Variants in APOLD1 observed in about 807,000 individuals in gnomAD.
APOLD1 encodes the protein apolipoprotein L domain-containing protein 1.
A neutral mutation model predicts 15.3 loss-of-function variants in APOLD1; 22 were observed. The ratio of observed to expected loss-of-function variants is 1.44; its 90% CI spans 1.03 to 2.05. The LOEUF is 2.05. Among genes scored for constraint, APOLD1 ranks in the 30% most tolerant of loss-of-function variants. APOLD1 has a pLI of 0.00. For missense variants in APOLD1, 394 were observed against 353.5 expected, an observed-to-expected ratio of 1.11 and a Z score of -0.92; for synonymous variants, 190 against 167.4, an observed-to-expected ratio of 1.13 and a Z score of -1.04.
intron 1 of APOLD1, among the ~76,000 whole-genome samples, chr12:12,755,082 G>T (rs1328607671): frequency 6.6e-6 from 1 of 151,996 alleles, no homozygotes; most frequent in African/African-American, 2.4e-5. Flanking sequence ...TATTAAAACA[G>T]TGTGATATAA....
At chr12:12,755,957 C>G (rs1423362556) in intron 1 of APOLD1, among the ~76,000 whole-genome samples, 2 of 152,218 alleles carry the variant, frequency 1.3e-5, no homozygotes, top group African/African-American at 4.8e-5. Flanking sequence ...ACAATTGTGT[C>G]AGCCAATTCC....
At chr12:12,764,605 A>G (rs745840106) in intron 1 of APOLD1, 2 of 394,646 alleles carry the variant, frequency 5.1e-6, no homozygotes, top group Non-Finnish European at 5.1e-6. Context: ...TTTATAATAT[A>G]TTTTCTATTT....
chr12:12,744,920 C>T (rs1946754454), intron 1 of APOLD1, among the ~76,000 whole-genome samples: 1 of 152,190 alleles, frequency 6.6e-6, no homozygotes. Context: ...TTTCCCTTCA[C>T]CAAATATCAC....
chr12:12,734,273 TG>T (rs1232999364), intron 1 of APOLD1, among the ~76,000 whole-genome samples: 1 of 152,248 alleles, frequency 6.6e-6, no homozygotes, highest in Non-Finnish European at 1.5e-5. Context: ...CTTTGGCACT[TG>T]GCACACTCAG....
At chr12:12,733,947 A>AT (rs1946663234) in intron 1 of APOLD1, among the ~76,000 whole-genome samples, 1 of 152,206 alleles carries the variant, frequency 6.6e-6, no homozygotes, top group Non-Finnish European at 1.5e-5. Context: ...TTTCTTGAAC[A>AT]TGGAATCAGA....
chr12:12,785,885 G>A lies in APOLD1; in HGVS notation c.3+191G>A, dbSNP rs1282327522. ...CTGCTTCTAGAATCTGATGTCTGAT[G>A]CAGGCAATTCTTCCAGATGAGAATG... On this transcript the variant is annotated intron_variant, in intron 1 of 1. Coordinates refer to ENST00000356591, the MANE Select transcript of APOLD1 (RefSeq NM_030817.3). 2.0e-5 allele frequency among the ~76,000 whole-genome samples: 3 copies of A among 152,322 alleles called. No homozygotes were observed. The East Asian group carries it at 5.8e-4, about 29-fold the overall frequency.
At chr12:12,730,500 G>A (rs1946630099) in intron 1 of APOLD1, among the ~76,000 whole-genome samples, 1 of 151,702 alleles carries the variant, frequency 6.6e-6, no homozygotes, top group Admixed American at 6.6e-5. Context: ...GGACAACATG[G>A]TGAAACCCCA....
intron 1 of APOLD1, among the ~76,000 whole-genome samples, chr12:12,756,651 C>CATT (rs1475501544): frequency 6.6e-6 from 1 of 152,206 alleles, no homozygotes; most frequent in African/African-American, 2.4e-5. Context: ...AGCTTGTACC[C>CATT]ATTAAACACT....
chr12:12,745,521 C>CT (rs1314283124), intron 1 of APOLD1, among the ~76,000 whole-genome samples: 15 of 152,050 alleles, frequency 9.9e-5, no homozygotes, highest in African/African-American at 3.6e-4. Context: ...TAGAGCGAGA[C>CT]TGTCTCAGAA....
At chr12:12,786,073 T>C (rs989414898) in intron 1 of APOLD1, among the ~76,000 whole-genome samples, 9 of 152,230 alleles carry the variant, frequency 5.9e-5, no homozygotes, top group Non-Finnish European at 1.2e-4. Context: ...GTTCGTATCT[T>C]TGTCAGTCAT....
chr12:12,772,947 G>A, intron 1 of APOLD1, among the ~76,000 whole-genome samples: 1 of 152,042 alleles, frequency 6.6e-6, no homozygotes, highest in South Asian at 2.1e-4. Flanking sequence ...GCCAGGCATG[G>A]TGGTGCACTC....
chr12:12,786,606 T>A, intron 1 of APOLD1: 6 of 971,294 alleles, frequency 6.2e-6, no homozygotes, highest in Non-Finnish European at 7.3e-6. Flanking sequence ...GTTTAAATCT[T>A]ATTTAACACA....
At chr12:12,741,529 T>C (rs1171531455) in intron 1 of APOLD1, among the ~76,000 whole-genome samples, 1 of 152,208 alleles carries the variant, frequency 6.6e-6, no homozygotes, top group Non-Finnish European at 1.5e-5. Context: ...CCAGTTTTTA[T>C]TGCAACGTGG....
intron 1 of APOLD1, among the ~76,000 whole-genome samples, chr12:12,735,475 C>T (rs1206975992): frequency 6.6e-6 from 1 of 152,088 alleles, no homozygotes; most frequent in East Asian, 1.9e-4. Context: ...CAGTCCAAGG[C>T]TGCAAGTCAG....
intron 1 of APOLD1, among the ~76,000 whole-genome samples, chr12:12,770,262 G>A (rs1034546277): frequency 3.3e-5 from 5 of 152,026 alleles, no homozygotes; most frequent in Admixed American, 1.3e-4. Context: ...AAAATTAGCC[G>A]GGCATGGTGG....
chr12:12,774,556 A>G (rs1947015103), intron 1 of APOLD1, among the ~76,000 whole-genome samples: 1 of 135,798 alleles, frequency 7.4e-6, no homozygotes, highest in Non-Finnish European at 1.6e-5. Context: ...CAAAAAAAAA[A>G]AAAAAAAAAA....
chr12:12,787,587 A>G lies in APOLD1; in HGVS notation c.682A>G (p.Thr228Ala), dbSNP rs777589688. 2 of 1,612,312 alleles carry G rather than the reference A, an allele frequency of 1.2e-6. No individual in the cohort carries two copies. Among genetic ancestry groups the G allele is most frequent in the Non-Finnish European group, 1.7e-6 (2 of 1,180,016 alleles). ...GCTGGAGTCTCGGGTTCAGCTCTGC[A>G]CCAAGTCCAGTCGTGGCCACGACCT... ...EQLESRVQLC[T>A]KSSRGHDLKI... Residue 228 changes from threonine to alanine, a missense_variant, in exon 2 of 2, where the codon ACC becomes GCC. Coordinates refer to ENST00000356591, the MANE Select transcript of APOLD1 (RefSeq NM_030817.3). This position sits in a 1 kb window ranked among gnomAD's most constrained non-coding sequence, Gnocchi z 4.9.
intron 1 of APOLD1, among the ~76,000 whole-genome samples, chr12:12,775,679 G>A (rs993896140): frequency 7.9e-5 from 12 of 152,108 alleles, no homozygotes; most frequent in African/African-American, 2.9e-4. Flanking sequence ...AGCAAATAGA[G>A]TTGAAAACTC....
chr12:12,729,558 C>G (rs1268585255), intron 1 of APOLD1, among the ~76,000 whole-genome samples: 1 of 152,000 alleles, frequency 6.6e-6, no homozygotes, highest in Admixed American at 6.6e-5. Context: ...CTGTGCTCAG[C>G]TGGGAGGAGC....
Sources: gnomAD v4.1 joint callset for allele counts (sites outside exome capture counted in the v4.1 genomes callset) on GRCh38, gnomAD v4.1.1 for gene constraint, Gnocchi (gnomAD v3.1) non-coding constraint, MANE v1.5 for transcripts, NCBI Gene and HGNC (gene_info 2026-07-23, HGNC 2026-07-21) for gene names.